The following HAO2 variants were observed in gnomAD, a reference collection of about 807,000 sequenced individuals.
HAO2 encodes 2-Hydroxyacid oxidase 2.
Under a neutral mutation model 37.4 loss-of-function variants are expected in HAO2, and 42 were observed. The ratio of observed to expected loss-of-function variants is 1.12; its 90% CI spans 0.88 to 1.45. The LOEUF (loss-of-function observed/expected upper bound fraction) is 1.45, where lower values mean the gene tolerates loss of function less well. Ranked by LOEUF, HAO2 falls within the 40% of genes most tolerant of loss-of-function variation. The pLI is 0.00. For synonymous variants in HAO2, 180 were observed against 162.8 expected, an observed-to-expected ratio of 1.11 and a Z score of -0.81; for missense variants, 476 against 430.2, an observed-to-expected ratio of 1.11 and a Z score of -0.94.
chr1:119,369,022 C>G (rs1648736139), intron 1 of HAO2, 120 bp downstream of exon 1: 1 of 152,108 alleles, frequency 6.6e-6, no homozygotes, highest in African/African-American at 2.4e-5. Context: ...AGGACCTTGG[C>G]AAAGATGGTC....
intron 4 of HAO2, among the ~76,000 whole-genome samples, chr1:119,386,416 T>C (rs1295208510): frequency 6.6e-6 from 1 of 152,080 alleles, no homozygotes; most frequent in Non-Finnish European, 1.5e-5. Context: ...GTGTTGCCCA[T>C]GCTTGTCTCA....
At position 119,381,238 on chromosome 1, in the gene HAO2, C is replaced by T. The variant is rs1267424268; in HGVS notation, c.131+22C>T. ...AAAGGTGTGGTCTTCTGTAGCCTGT[C>T]TATTGTTAGGTTAAGGTGCACTGGT... On this transcript the variant is annotated intron_variant, in intron 2 of 7. Coordinates refer to ENST00000325945, the MANE Select transcript of HAO2 (RefSeq NM_016527.4). The T allele has an allele frequency of 1.9e-6, 3 of 1,592,230 alleles. No individual in the cohort carries two copies. The African/African-American group carries it at 4.0e-5, about 21-fold the overall frequency.
At chr1:119,387,773 A>T (rs1231261606) in intron 5 of HAO2, among the ~76,000 whole-genome samples, 1 of 152,190 alleles carries the variant, frequency 6.6e-6, no homozygotes, top group Non-Finnish European at 1.5e-5. Context: ...TCCATTGTAG[A>T]ACATCTGTAT....
At chr1:119,388,138 C>G (rs893094036) in intron 5 of HAO2, among the ~76,000 whole-genome samples, 1 of 152,158 alleles carries the variant, frequency 6.6e-6, no homozygotes, top group Non-Finnish European at 1.5e-5. Context: ...ACTGAGCTCT[C>G]TCACCCAACC....
rs587684257 is a variant in HAO2 at position 119,392,513 on chromosome 1, A to G, written c.931-105A>G. The G allele has an allele frequency of 3.9e-5, 33 of 837,482 alleles. No individual in the cohort carries two copies. The South Asian group carries it at 4.1e-4, about 10-fold the overall frequency. The allele number at this position is 837,482 out of a possible 1,614,324, so 51.9% of individuals were successfully genotyped here. On this transcript the variant is annotated intron_variant, in intron 6 of 7. Transcript: ENST00000325945. ...AATTCTCACTTCACAGATAATCCCC[A>G]TCTTTCCCATTATAGCTCTGACTAC...
At chr1:119,372,708 T>C (rs1248020016) in intron 1 of HAO2, among the ~76,000 whole-genome samples, 1 of 152,150 alleles carries the variant, frequency 6.6e-6, no homozygotes, top group African/African-American at 2.4e-5. Flanking sequence ...CATAAGGTGG[T>C]GCCACGGGAC....
chr1:119,385,319 G>T (rs1249041896), intron 4 of HAO2: 1 of 985,256 alleles, frequency 1.0e-6, no homozygotes, highest in Non-Finnish European at 1.2e-6. Context: ...AGAGCTGGAT[G>T]CTGAGAAATA....
intron 5 of HAO2, among the ~76,000 whole-genome samples, chr1:119,389,705 A>G (rs972992337): frequency 2.2e-4 from 33 of 148,524 alleles, no homozygotes; most frequent in African/African-American, 7.9e-4. Context: ...TGTCAGATGT[A>G]TAGATTTTGA....
intron 4 of HAO2, 26 bp downstream of exon 4, chr1:119,385,079 A>G: frequency 6.3e-7 from 1 of 1,596,208 alleles, no homozygotes; most frequent in Non-Finnish European, 8.6e-7. Flanking sequence ...AATTCGATGG[A>G]CAGGCATTAC....
intron 1 of HAO2, among the ~76,000 whole-genome samples, chr1:119,373,526 T>A (rs1649200776): frequency 6.6e-6 from 1 of 152,138 alleles, no homozygotes; most frequent in Non-Finnish European, 1.5e-5. Flanking sequence ...AGTCTTCCAA[T>A]CCTCAATAGG....
intron 1 of HAO2, among the ~76,000 whole-genome samples, chr1:119,374,038 A>G (rs1477504035): frequency 6.6e-6 from 1 of 151,958 alleles, no homozygotes; most frequent in Non-Finnish European, 1.5e-5. Flanking sequence ...TTTTCCCCTC[A>G]CTCCCATACA....
chr1:119,391,220 G>A (rs1052693618), intron 5 of HAO2, among the ~76,000 whole-genome samples: 3 of 152,094 alleles, frequency 2.0e-5, no homozygotes, highest in African/African-American at 7.2e-5. Context: ...GCCTCATAGG[G>A]CCCAGTTTTG....
Position 119,381,084 on chromosome 1 carries a change from A to T in HAO2, c.-2A>T. The T allele has an allele frequency of 1.9e-6, 3 of 1,613,584 alleles. No homozygotes were observed. Among genetic ancestry groups the T allele is most frequent in the Non-Finnish European group, 2.5e-6 (3 of 1,179,506 alleles). ...TTTGTTTTCTCCTTGGAAGGTCCAG[A>T]AATGTCCTTGGTGTGTTTGACAGAC... On this transcript the variant is annotated 5_prime_UTR_variant, in exon 2 of 8. Coordinates refer to ENST00000325945, the MANE Select transcript of HAO2 (RefSeq NM_016527.4).
At chr1:119,389,160 A>ACGTATATATATATGTGTGTG (rs1650652555) in intron 5 of HAO2, among the ~76,000 whole-genome samples, 3 of 85,012 alleles carry the variant, frequency 3.5e-5, no homozygotes, top group African/African-American at 9.9e-5. Flanking sequence ...ATATATATAT[A>ACGTATATATATATGTGTGTG]TATATATACA....
At chr1:119,383,245 T>G (rs587666319) in intron 3 of HAO2, among the ~76,000 whole-genome samples, 179 bp downstream of exon 3, 4 of 152,318 alleles carry the variant, frequency 2.6e-5, no homozygotes, top group African/African-American at 9.6e-5. Flanking sequence ...GAGAAAACAT[T>G]CATTTTCCAT....
chr1:119,388,460 C>A (rs1228877254), intron 5 of HAO2, among the ~76,000 whole-genome samples: 1 of 152,156 alleles, frequency 6.6e-6, no homozygotes, highest in Non-Finnish European at 1.5e-5. Flanking sequence ...TGAGTATTGG[C>A]TAAGGTAGGG....
intron 1 of HAO2, among the ~76,000 whole-genome samples, chr1:119,372,537 A>G (rs1216189236): frequency 2.0e-5 from 3 of 152,238 alleles, no homozygotes; most frequent in Non-Finnish European, 4.4e-5. Flanking sequence ...AAGGCACTCA[A>G]TAGTTTGGAG....
chr1:119,393,999 C>A lies in HAO2; in HGVS notation c.*159C>A. On this transcript the variant is annotated 3_prime_UTR_variant, in exon 8 of 8. Coordinates refer to ENST00000325945, the MANE Select transcript of HAO2 (RefSeq NM_016527.4). ...AATACCACCACCCCTGTGCTTCAGG[C>A]CCTCCAAACCCCTGTGTTCCCCAAA... 6.9e-7 allele frequency: 1 copy of A among 1,452,388 alleles called. No individual in the cohort carries two copies. Among genetic ancestry groups the A allele is most frequent in the South Asian group, 1.4e-5 (1 of 72,166 alleles). 90.0% of individuals were successfully genotyped at this position (1,452,388 alleles called of 1,614,324 possible). A position where few individuals can be genotyped will look rare whatever the true frequency, so the allele number is the denominator to read the frequency against.
At position 119,376,570 on chromosome 1, in the gene HAO2, A is replaced by G. The variant is rs139089427; in HGVS notation, c.-8-4508A>G. Among the ~76,000 whole-genome samples, 13 of 152,348 alleles carry G rather than the reference A, an allele frequency of 8.5e-5. No individual in the cohort carries two copies. The East Asian group carries it at 1.7e-3, about 20-fold the overall frequency. On this transcript the variant is annotated intron_variant, in intron 1 of 7. Coordinates refer to ENST00000325945, the MANE Select transcript of HAO2 (RefSeq NM_016527.4). ...AGTGGGGACTCTGTGTGAAGGCTCCAACCCTACATTTTCCTGCTGCACTGT... is the reference window on the plus strand; with the variant it reads ...AGTGGGGACTCTGTGTGAAGGCTCCGACCCTACATTTTCCTGCTGCACTGT...
Sources: allele counts gnomAD v4.1 joint callset (sites outside exome capture counted in the v4.1 genomes callset), GRCh38; gene constraint gnomAD v4.1.1; transcripts MANE v1.5; gene names NCBI Gene and HGNC (gene_info 2026-07-23, HGNC 2026-07-21).